The following COMMD6 variants were observed in gnomAD, a reference collection of about 807,000 sequenced individuals.
COMMD6 encodes the protein COMM domain-containing protein 6.
Under a neutral mutation model 13.4 loss-of-function variants are expected in COMMD6, and 11 were observed. That is an observed-to-expected ratio of 0.82 (90% confidence interval 0.52 to 1.36). The LOEUF (loss-of-function observed/expected upper bound fraction) is 1.36, where lower values mean the gene tolerates loss of function less well. COMMD6 is among the 40% of genes most tolerant of loss of function. The pLI is 0.00. For missense variants in COMMD6, 124 were observed against 102.4 expected (o/e 1.21, Z -0.91); for synonymous variants, 43 against 36.5 (o/e 1.18, Z -0.64).
intron 2 of COMMD6, 30 bp from the exon 3 acceptor site, chr13:75,530,296 T>C: frequency 6.5e-7 from 1 of 1,548,798 alleles, no homozygotes; most frequent in Non-Finnish European, 8.8e-7. Context: ...AATAATACAT[T>C]AGTAGTAACA....
intron 2 of COMMD6, chr13:75,537,309 A>G (rs2030702891): frequency 1.3e-6 from 2 of 1,546,410 alleles, no homozygotes; most frequent in Admixed American, 2.0e-5. Flanking sequence ...AAAATAACTT[A>G]GAGACTAAGA....
intron 2 of COMMD6, among the ~76,000 whole-genome samples, chr13:75,531,097 T>C (rs558393718): frequency 2.8e-4 from 42 of 152,352 alleles, no homozygotes; most frequent in Middle Eastern, 3.4e-3. Flanking sequence ...CACTGACTGA[T>C]ACCTTTTTCT....
intron 2 of COMMD6, 65 bp from the exon 3 acceptor site, chr13:75,530,331 C>G: frequency 7.6e-7 from 1 of 1,323,158 alleles, no homozygotes; most frequent in South Asian, 1.3e-5. Context: ...GATATTTATT[C>G]AATTTTACTG....
intron 1 of COMMD6, among the ~76,000 whole-genome samples, chr13:75,545,371 G>C (rs1186662417): frequency 6.6e-6 from 1 of 152,164 alleles, no homozygotes; most frequent in African/African-American, 2.4e-5. Flanking sequence ...GTCAGGTGTT[G>C]TACAAATAGC....
chr13:75,540,352 A>ACC (rs1189367381), upstream of COMMD6, among the ~76,000 whole-genome samples: 2 of 150,998 alleles, frequency 1.3e-5, no homozygotes, highest in Non-Finnish European at 2.9e-5. Flanking sequence ...ACCCACACAC[A>ACC]CACACACACA....
upstream of COMMD6, among the ~76,000 whole-genome samples, chr13:75,543,619 T>C (rs1463732536): frequency 6.6e-6 from 1 of 152,248 alleles, no homozygotes; most frequent in Non-Finnish European, 1.5e-5. Flanking sequence ...AGCCCTCTTC[T>C]ACCACTCAGC....
At chr13:75,535,637 G>C (rs1235365578) in intron 2 of COMMD6, among the ~76,000 whole-genome samples, 1 of 152,198 alleles carries the variant, frequency 6.6e-6, no homozygotes, top group East Asian at 1.9e-4. Flanking sequence ...GCTCTAAGCT[G>C]TGGTTCTCTG....
At chr13:75,542,463 A>G (rs2030842379), upstream of COMMD6, among the ~76,000 whole-genome samples, 1 of 151,910 alleles carries the variant, frequency 6.6e-6, no homozygotes, top group Non-Finnish European at 1.5e-5. Context: ...CTAATTTTGT[A>G]TTTTTAGTAG....
intron 1 of COMMD6, among the ~76,000 whole-genome samples, chr13:75,549,084 C>T (rs910471517): frequency 3.3e-5 from 5 of 152,210 alleles, no homozygotes; most frequent in Non-Finnish European, 5.9e-5. Context: ...AATTCCAGCA[C>T]ACTTCATGCC....
At chr13:75,526,961 G>C (rs763034901) in intron 3 of COMMD6, among the ~76,000 whole-genome samples, 2 of 152,126 alleles carry the variant, frequency 1.3e-5, no homozygotes, top group Non-Finnish European at 2.9e-5. Context: ...TAACAAGTTG[G>C]TTCCAGGCCT....
intron 1 of COMMD6, among the ~76,000 whole-genome samples, chr13:75,548,583 C>T (rs1353103766): frequency 6.6e-6 from 1 of 152,156 alleles, no homozygotes; most frequent in Non-Finnish European, 1.5e-5. Context: ...TTAATCTGTG[C>T]CTTTCTCCGT....
At chr13:75,548,462 C>T (rs933829600) in intron 1 of COMMD6, among the ~76,000 whole-genome samples, 1 of 152,124 alleles carries the variant, frequency 6.6e-6, no homozygotes, top group Non-Finnish European at 1.5e-5. Flanking sequence ...ACCTGAATTT[C>T]CTCTATTAGG....
intron 1 of COMMD6, among the ~76,000 whole-genome samples, chr13:75,546,948 A>G (rs947540522): frequency 6.6e-6 from 1 of 152,020 alleles, no homozygotes. Context: ...CAATATTTTC[A>G]TTAGCTAATC....
intron 2 of COMMD6, among the ~76,000 whole-genome samples, chr13:75,535,668 A>C (rs375025266): frequency 6.6e-6 from 1 of 152,114 alleles, no homozygotes; most frequent in African/African-American, 2.4e-5. Flanking sequence ...CTGTCTCACC[A>C]ATTTGGGGGA....
At chr13:75,534,569 A>T (rs1226901572) in intron 2 of COMMD6, among the ~76,000 whole-genome samples, 1 of 152,260 alleles carries the variant, frequency 6.6e-6, no homozygotes, top group East Asian at 1.9e-4. Context: ...AGCACTTACC[A>T]CTATGCAGAA....
At chr13:75,532,236 A>T (rs1023493787) in intron 2 of COMMD6, among the ~76,000 whole-genome samples, 2 of 152,186 alleles carry the variant, frequency 1.3e-5, no homozygotes, top group Admixed American at 1.3e-4. Context: ...GCTTTTAGAT[A>T]ATTCATTAAC....
chr13:75,533,474 T>C (rs1318594813), intron 2 of COMMD6, among the ~76,000 whole-genome samples: 2 of 147,988 alleles, frequency 1.4e-5, no homozygotes, highest in East Asian at 4.0e-4. Flanking sequence ...GAGGATGAAG[T>C]GGGAGGATCA....
At chr13:75,544,440 C>T (rs528759539) in intron 1 of COMMD6, among the ~76,000 whole-genome samples, 61 of 152,102 alleles carry the variant, frequency 4.0e-4, no homozygotes, top group Non-Finnish European at 6.8e-4. Flanking sequence ...CAACCTTCGG[C>T]TTAAAGGTTG....
chr13:75,544,961 T>TAGGTAA (rs2030885029), intron 1 of COMMD6, among the ~76,000 whole-genome samples: 1 of 140,026 alleles, frequency 7.1e-6, no homozygotes, highest in Non-Finnish European at 1.6e-5. Context: ...AAGACTTAAG[T>TAGGTAA]AGGTAAAGTG....
Sources: allele counts gnomAD v4.1 joint callset (sites outside exome capture counted in the v4.1 genomes callset), GRCh38; gene constraint gnomAD v4.1.1; transcripts MANE v1.5; gene names NCBI Gene and HGNC (gene_info 2026-07-23, HGNC 2026-07-21).